NCAM2: variants seen among roughly 807,000 people sequenced by gnomAD.
NCAM2 encodes N-CAM-2.
A neutral mutation model predicts 98.1 loss-of-function variants in NCAM2; 30 were observed. The ratio of observed to expected loss-of-function variants is 0.31; its 90% confidence interval spans 0.23 to 0.41. The LOEUF (loss-of-function observed/expected upper bound fraction) is 0.41. Among genes scored for constraint, NCAM2 ranks in the 10% least tolerant of loss-of-function variants. NCAM2 has a pLI of 1.00. For synonymous variants in NCAM2, 368 were observed against 342.4 expected (o/e 1.07, Z -0.83); for missense variants, 867 against 1,005.8 (o/e 0.86, Z 1.87).
intron 8 of NCAM2, among the ~76,000 whole-genome samples, chr21:21,373,123 CAT>C (rs1480621774): frequency 5.9e-5 from 9 of 151,696 alleles, no homozygotes; most frequent in Admixed American, 2.0e-4. Flanking sequence ...TTCACTATAA[CAT>C]AATTTGCTTT....
At chr21:21,016,294 C>A (rs1284414361) in intron 1 of NCAM2, among the ~76,000 whole-genome samples, 1 of 152,126 alleles carries the variant, frequency 6.6e-6, no homozygotes, top group Non-Finnish European at 1.5e-5. Flanking sequence ...AATATGTCTG[C>A]CGCAGGAATG....
intron 1 of NCAM2, among the ~76,000 whole-genome samples, chr21:21,101,893 A>G (rs912895212): frequency 1.3e-5 from 2 of 152,074 alleles, no homozygotes; most frequent in Admixed American, 1.3e-4. Context: ...ACAATTATAA[A>G]TAGTGTTTAA....
At chr21:21,119,550 T>C (rs141565704) in intron 1 of NCAM2, among the ~76,000 whole-genome samples, 244 of 91,338 alleles carry the variant, frequency 2.7e-3, no homozygotes, top group African/African-American at 0.01. Context: ...TCATAGTTTA[T>C]AAAATGGCAG....
intron 16 of NCAM2, among the ~76,000 whole-genome samples, chr21:21,527,693 A>T (rs930666030): frequency 6.6e-6 from 1 of 152,184 alleles, no homozygotes; most frequent in Non-Finnish European, 1.5e-5. Context: ...CATCTAGAAC[A>T]TTGACAACAC....
In NCAM2 at chr21:21,443,093, G is replaced by T. The variant is rs567482094; in HGVS notation, c.1654+10812G>T. Among the ~76,000 whole-genome samples, 6 of 152,206 alleles carry T rather than the reference G, an allele frequency of 3.9e-5. 1 individual carries two copies. In the South Asian group the frequency reaches 1.2e-3, roughly 32 times the overall value. ...GTTGTGTCTCTGTTCTCAATATGCA[G>T]CCATAAAAAAAGATGAGTTCATGTC... On this transcript the variant is annotated intron_variant, in intron 12 of 17. Transcript: ENST00000400546.
chr21:21,078,965 C>T (rs987717724), intron 1 of NCAM2, among the ~76,000 whole-genome samples: 1 of 152,094 alleles, frequency 6.6e-6, no homozygotes, highest in African/African-American at 2.4e-5. Flanking sequence ...TGTTCTCACT[C>T]ATAAGTGGGA....
At chr21:21,502,627 G>A (rs1001001023) in intron 15 of NCAM2, among the ~76,000 whole-genome samples, 41 of 152,030 alleles carry the variant, frequency 2.7e-4, no homozygotes, top group African/African-American at 9.2e-4. Context: ...TACGAAGGAC[G>A]AAGTAAGAAC....
At chr21:21,144,982 G>T (rs899163849) in intron 1 of NCAM2, among the ~76,000 whole-genome samples, 1 of 151,754 alleles carries the variant, frequency 6.6e-6, no homozygotes, top group African/African-American at 2.4e-5. Flanking sequence ...TGATCATGAA[G>T]AATTTAAAAA....
intron 1 of NCAM2, among the ~76,000 whole-genome samples, chr21:21,090,010 G>A (rs867498970): frequency 6.6e-6 from 1 of 152,086 alleles, no homozygotes; most frequent in Non-Finnish European, 1.5e-5. Flanking sequence ...AGGACTGGGG[G>A]TGGGAAATGG....
chr21:21,396,873 A>G (rs1163355799), intron 9 of NCAM2, among the ~76,000 whole-genome samples: 1 of 152,206 alleles, frequency 6.6e-6, no homozygotes, highest in African/African-American at 2.4e-5. Context: ...CAGAAGGACC[A>G]CAGCTCTTCT....
Position 21,265,352 on chromosome 21 carries a change from ATATAT to A in NCAM2, c.56-15215_56-15211del, listed in dbSNP as rs1158128582. Among the ~76,000 whole-genome samples the A allele has an allele frequency of 1.4e-3, 164 of 115,292 alleles. 1 individual carries two copies. Among genetic ancestry groups the A allele is most frequent in the Admixed American group, 2.0e-3 (20 of 10,008 alleles). The allele number at this position is 115,292 out of a possible 152,430, so 75.6% of individuals were successfully genotyped here. A position where few individuals can be genotyped will look rare whatever the true frequency, so the allele number is the denominator to read the frequency against. On this transcript the variant is annotated intron_variant, in intron 1 of 17. Transcript: ENST00000400546. ...ATATAATATATATGTGTATGTATGT[ATATAT>A]TATATTATATATACACATACACATA...
At chr21:21,017,504 G>A (rs1490429609) in intron 1 of NCAM2, among the ~76,000 whole-genome samples, 1 of 151,140 alleles carries the variant, frequency 6.6e-6, no homozygotes, top group Non-Finnish European at 1.5e-5. Flanking sequence ...AACTAAGAGT[G>A]GTGATTTGAA....
intron 1 of NCAM2, among the ~76,000 whole-genome samples, chr21:21,112,744 T>G (rs1273640587): frequency 6.6e-6 from 1 of 152,156 alleles, no homozygotes; most frequent in Non-Finnish European, 1.5e-5. Context: ...TCATAAAGAA[T>G]GCCCCATAGC....
At chr21:21,298,089 C>A (rs1227590089) in intron 5 of NCAM2, among the ~76,000 whole-genome samples, 1 of 151,674 alleles carries the variant, frequency 6.6e-6, no homozygotes, top group Non-Finnish European at 1.5e-5. Context: ...AACCCCCAGG[C>A]AGTAATTTTT....
At chr21:21,272,934 T>TCA (rs61235726) in intron 1 of NCAM2, among the ~76,000 whole-genome samples, 263 of 124,866 alleles carry the variant, frequency 2.1e-3, no homozygotes, top group Middle Eastern at 7.7e-3. Flanking sequence ...GGACATGCAT[T>TCA]CACACACACA....
chr21:21,170,614 T>C (rs944995693), intron 1 of NCAM2, among the ~76,000 whole-genome samples: 11 of 152,238 alleles, frequency 7.2e-5, no homozygotes, highest in African/African-American at 2.4e-4. Context: ...GGCAGTGGAA[T>C]TACTCTGTTT....
chr21:21,031,455 C>T (rs933216535), intron 1 of NCAM2, among the ~76,000 whole-genome samples: 5 of 152,134 alleles, frequency 3.3e-5, no homozygotes, highest in Non-Finnish European at 5.9e-5. Context: ...GCCCAACCAC[C>T]TCCCAAATCT....
intron 1 of NCAM2, among the ~76,000 whole-genome samples, chr21:21,011,445 C>T (rs2064208440): frequency 1.3e-5 from 2 of 151,862 alleles, no homozygotes; most frequent in South Asian, 4.2e-4. Context: ...GGCCAATTCT[C>T]CCCCCGCCTC....
intron 17 of NCAM2, 66 bp downstream of exon 17, chr21:21,534,722 T>C: frequency 7.8e-7 from 1 of 1,289,652 alleles, no homozygotes; most frequent in Non-Finnish European, 1.0e-6. Context: ...ACATTATTAT[T>C]GTTGTATTAC....
Sources: allele counts gnomAD v4.1 joint callset (sites outside exome capture counted in the v4.1 genomes callset), GRCh38; gene constraint gnomAD v4.1.1; transcripts MANE v1.5; gene names NCBI Gene and HGNC (gene_info 2026-07-23, HGNC 2026-07-21).